The following CHRDL1 variants were observed in gnomAD, a reference collection of about 807,000 sequenced individuals.
CHRDL1 encodes chordin-like protein 1.
A neutral mutation model predicts 40.9 loss-of-function variants in CHRDL1; 19 were observed. That is an observed-to-expected ratio of 0.46 (90% confidence interval 0.32 to 0.68). The LOEUF (loss-of-function observed/expected upper bound fraction) is 0.68. Among genes scored for constraint, CHRDL1 ranks in the 30% least tolerant of loss-of-function variants. The pLI, the probability that CHRDL1 is intolerant of heterozygous loss-of-function variation, is 0.03. For synonymous variants in CHRDL1, 136 were observed against 123.4 expected, an observed-to-expected ratio of 1.10 and a Z score of -0.68; for missense variants, 329 against 352.1, an observed-to-expected ratio of 0.93 and a Z score of 0.53.
chrX:110,689,398 A>ATATATATC lies in CHRDL1; in HGVS notation c.779-603_779-596dup, dbSNP rs200826006. 1.5e-3 allele frequency among the ~76,000 whole-genome samples: 85 copies of ATATATATC among 58,184 alleles called. 4 individuals are homozygous for ATATATATC. The highest frequency in any genetic ancestry group is 5.4e-3 in the African/African-American group (82 of 15,096). The allele number at this position is 58,184 out of a possible 115,157, so 50.5% of individuals were successfully genotyped here. A position where few individuals can be genotyped will look rare whatever the true frequency, so the allele number is the denominator to read the frequency against. Reference sequence around the variant, plus strand: ...AGGCATGAGCCACCGCACCCAGCCTATATATATCTATATATCTATATATAT... The same window carrying ATATATATC: ...AGGCATGAGCCACCGCACCCAGCCTATATATATCTATATATCTATATATCTATATATAT... On this transcript the variant is annotated intron_variant, in intron 8 of 11. Coordinates refer to ENST00000372042, the MANE Select transcript of CHRDL1 (RefSeq NM_001143981.2).
At position 110,747,837 on chromosome X, in the gene CHRDL1, C is replaced by T. The variant is rs759086996; in HGVS notation, c.301+11824G>A. 5.4e-5 allele frequency among the ~76,000 whole-genome samples: 6 copies of T among 112,122 alleles called. No homozygotes were observed. In the South Asian group the frequency reaches 2.3e-3, roughly 42 times the overall value. On this transcript the variant is annotated intron_variant, in intron 4 of 11. Coordinates refer to ENST00000372042, the MANE Select transcript of CHRDL1 (RefSeq NM_001143981.2). ...GTAGTTTTATCACATTTATGCACATCCATAATCAATATAGTTTACTTTTCC... is the reference window on the plus strand; with the variant it reads ...GTAGTTTTATCACATTTATGCACATTCATAATCAATATAGTTTACTTTTCC...
intron 7 of CHRDL1, among the ~76,000 whole-genome samples, chrX:110,698,719 C>T (rs1236867140): frequency 4.5e-5 from 5 of 112,109 alleles, no homozygotes; most frequent in African/African-American, 1.6e-4. Context: ...GAATTGAGGG[C>T]AGTGTAAAAT....
intron 11 of CHRDL1, among the ~76,000 whole-genome samples, chrX:110,678,219 T>A (rs936137867): frequency 8.9e-6 from 1 of 112,315 alleles, no homozygotes; most frequent in African/African-American, 3.2e-5. Context: ...CACTTCATAA[T>A]CTGGCTTCGT....
At chrX:110,747,060 C>A (rs1014422529) in intron 4 of CHRDL1, among the ~76,000 whole-genome samples, 1 of 110,483 alleles carries the variant, frequency 9.1e-6, no homozygotes, top group Non-Finnish European at 1.9e-5. Context: ...TTCCTCCCCC[C>A]ATGATAACAC....
At chrX:110,747,215 C>T (rs886906302) in intron 4 of CHRDL1, among the ~76,000 whole-genome samples, 1 of 110,709 alleles carries the variant, frequency 9.0e-6, no homozygotes, top group African/African-American at 3.3e-5. Context: ...ATCCTGGAGC[C>T]AGATGGCTTC....
chrX:110,690,343 C>A (rs1258075769), intron 8 of CHRDL1, among the ~76,000 whole-genome samples: 3 of 107,883 alleles, frequency 2.8e-5, no homozygotes, highest in Non-Finnish European at 5.7e-5. Flanking sequence ...CCACTGCGCC[C>A]AGCCACATAT....
chrX:110,707,014 A>C (rs1200120235), intron 6 of CHRDL1, among the ~76,000 whole-genome samples: 1 of 111,694 alleles, frequency 9.0e-6, no homozygotes, highest in East Asian at 2.8e-4. Context: ...CCTTACCATG[A>C]GCTGGGTTCC....
intron 4 of CHRDL1, among the ~76,000 whole-genome samples, chrX:110,731,968 G>A (rs973267789): frequency 9.3e-6 from 1 of 107,713 alleles, no homozygotes; most frequent in African/African-American, 3.5e-5. Flanking sequence ...GTAAACCTCA[G>A]TATGAGGTAT....
At chrX:110,732,941 T>C (rs187437333) in intron 4 of CHRDL1, among the ~76,000 whole-genome samples, 37 of 112,290 alleles carry the variant, frequency 3.3e-4, no homozygotes, top group Admixed American at 1.3e-3. Flanking sequence ...CACCTGCTTC[T>C]CTTTCACAGG....
Position 110,714,214 on chromosome X carries a change from T to C in CHRDL1, c.541+5621A>G, listed in dbSNP as rs197031. On this transcript the variant is annotated intron_variant, in intron 6 of 11. Transcript: ENST00000372042. Reference sequence around the variant, plus strand: ...GTGTCTGTTACTTCCTTCTTTGTGTTCGTAAGTTCTCATCATTTAGCTCCC... The same window carrying C: ...GTGTCTGTTACTTCCTTCTTTGTGTCCGTAAGTTCTCATCATTTAGCTCCC... Among the ~76,000 whole-genome samples, 404 of 110,586 alleles carry C rather than the reference T, an allele frequency of 3.7e-3. 3 individuals carry two copies. Among genetic ancestry groups the C allele is most frequent in the African/African-American group, 0.013 (386 of 30,359 alleles).
chrX:110,689,500 CTATATATCTA>C lies in CHRDL1; in HGVS notation c.779-707_779-698del, dbSNP rs2070129284. On this transcript the variant is annotated intron_variant, in intron 8 of 11. Transcript: ENST00000372042. ...TCTATATATCTATATCTCTATATAT[CTATATATCTA>C]TATCTCTATATATCTATCTATATAT... 4.3e-5 allele frequency among the ~76,000 whole-genome samples: 2 copies of C among 46,318 alleles called. 1 individual carries two copies. The highest frequency in any genetic ancestry group is 5.6e-4 in the African/African-American group (2 of 3,560). The allele number at this position is 46,318 out of a possible 115,157, so 40.2% of individuals were successfully genotyped here.
At chrX:110,753,084 C>T (rs2089388300) in intron 4 of CHRDL1, among the ~76,000 whole-genome samples, 1 of 111,861 alleles carries the variant, frequency 8.9e-6, no homozygotes, top group Non-Finnish European at 1.9e-5. Flanking sequence ...AAAACATATG[C>T]CACACAAAAA....
At chrX:110,750,239 T>C (rs1437748367) in intron 4 of CHRDL1, among the ~76,000 whole-genome samples, 7 of 112,216 alleles carry the variant, frequency 6.2e-5, no homozygotes, top group Non-Finnish European at 9.4e-5. Context: ...GATTGGTGAA[T>C]TTATCAGGAC....
chrX:110,770,746 C>T (rs1420851316), intron 2 of CHRDL1, among the ~76,000 whole-genome samples: 2 of 109,527 alleles, frequency 1.8e-5, no homozygotes, highest in Non-Finnish European at 3.9e-5. Flanking sequence ...ATGTGAATAA[C>T]TGTATGCCAG....
chrX:110,779,991 G>C (rs938534359), intron 2 of CHRDL1, among the ~76,000 whole-genome samples: 4 of 111,082 alleles, frequency 3.6e-5, no homozygotes, highest in African/African-American at 9.8e-5. Context: ...ATTGCTGGTA[G>C]ACAGAAAAGC....
intron 2 of CHRDL1, among the ~76,000 whole-genome samples, chrX:110,786,556 T>A (rs183560019): frequency 8.9e-6 from 1 of 111,861 alleles, no homozygotes; most frequent in East Asian, 2.8e-4. Flanking sequence ...AAGTAGTGAA[T>A]CTTTACTTCA....
intron 1 of CHRDL1, among the ~76,000 whole-genome samples, chrX:110,794,279 A>G (rs1156876175): frequency 1.8e-5 from 2 of 112,093 alleles, no homozygotes; most frequent in Non-Finnish European, 3.8e-5. Flanking sequence ...AATTTTTCAA[A>G]TTATACTTTG....
chrX:110,747,446 A>G (rs924940979), intron 4 of CHRDL1, among the ~76,000 whole-genome samples: 27 of 109,987 alleles, frequency 2.5e-4, no homozygotes, highest in African/African-American at 9.0e-4. Flanking sequence ...AAAACCAAAC[A>G]TCAAGAAGAC....
intron 9 of CHRDL1, among the ~76,000 whole-genome samples, chrX:110,684,950 C>T (rs1223138198): frequency 2.7e-5 from 3 of 112,160 alleles, no homozygotes; most frequent in African/African-American, 9.7e-5. Context: ...TCTATCTCCA[C>T]AAACTTGAGC....
Sources: gnomAD v4.1 joint callset for allele counts (sites outside exome capture counted in the v4.1 genomes callset) on GRCh38, gnomAD v4.1.1 for gene constraint, MANE v1.5 for transcripts, NCBI Gene and HGNC (gene_info 2026-07-23, HGNC 2026-07-21) for gene names.